Variants in DPF3 observed in about 807,000 individuals in gnomAD.
DPF3 encodes the protein double PHD fingers 3.
In DPF3, 18 loss-of-function variants were observed where a neutral mutation model predicts 56.8. The ratio of observed to expected loss-of-function variants is 0.32; its 90% CI spans 0.22 to 0.47. The LOEUF (loss-of-function observed/expected upper bound fraction) is 0.47. DPF3 is among the 20% of genes least tolerant of loss of function. DPF3 has a pLI of 1.00. For missense variants in DPF3, 403 were observed against 488.8 expected (o/e 0.82, Z 1.65); for synonymous variants, 188 against 180.2 (o/e 1.04, Z -0.35).
At chr14:72,746,236 T>C (rs1466044146) in intron 3 of DPF3, among the ~76,000 whole-genome samples, 3 of 152,210 alleles carry the variant, frequency 2.0e-5, no homozygotes, top group African/African-American at 7.2e-5. Context: ...GGGAAGACAG[T>C]GGGTACATTT....
intron 1 of DPF3, among the ~76,000 whole-genome samples, chr14:72,801,437 T>TCA (rs1729578042): frequency 6.6e-6 from 1 of 152,158 alleles, no homozygotes; most frequent in Non-Finnish European, 1.5e-5. Flanking sequence ...GCTGAAGGCA[T>TCA]CATCATGACC....
intron 1 of DPF3, among the ~76,000 whole-genome samples, chr14:72,775,716 T>C (rs1891718953): frequency 1.3e-5 from 2 of 152,154 alleles, no homozygotes; most frequent in African/African-American, 4.8e-5. Flanking sequence ...CCCTCTACCA[T>C]CATCTCCAGG....
chr14:72,868,161 G>A (rs1016605231), intron 1 of DPF3, among the ~76,000 whole-genome samples: 1 of 152,038 alleles, frequency 6.6e-6, no homozygotes, highest in African/African-American at 2.4e-5. Context: ...TCTGAACATC[G>A]TAAGATTCAA....
chr14:72,838,905 A>ATATATATATATATATATATATATATTTTT, intron 1 of DPF3, among the ~76,000 whole-genome samples: 5 of 64,494 alleles, frequency 7.8e-5, no homozygotes, highest in African/African-American at 2.7e-4. Context: ...TATCATATAT[A>ATATATATATATATATATATATATATTTTT]TTCTTTTTTT....
chr14:72,634,916 T>C (rs1420008262), intron 8 of DPF3, among the ~76,000 whole-genome samples: 1 of 152,182 alleles, frequency 6.6e-6, no homozygotes, highest in African/African-American at 2.4e-5. Context: ...AATGGTGCAC[T>C]GTGCATGATT....
intron 1 of DPF3, among the ~76,000 whole-genome samples, chr14:72,772,608 C>T (rs969336751): frequency 6.6e-6 from 1 of 151,388 alleles, no homozygotes; most frequent in African/African-American, 2.4e-5. Context: ...TTCTGGTTTG[C>T]TAGACTGAGA....
intron 4 of DPF3, among the ~76,000 whole-genome samples, chr14:72,729,227 G>A (rs1015816403): frequency 2.0e-5 from 3 of 152,148 alleles, no homozygotes; most frequent in Non-Finnish European, 2.9e-5. Flanking sequence ...CAGCCTGGGC[G>A]ACACAGCGAG....
At chr14:72,850,956 C>T (rs1884960521) in intron 1 of DPF3, among the ~76,000 whole-genome samples, 1 of 152,196 alleles carries the variant, frequency 6.6e-6, no homozygotes, top group South Asian at 2.1e-4. Flanking sequence ...AAGTATCAGT[C>T]CCACTGCCCC....
At position 72,691,949 on chromosome 14, in the gene DPF3, T is replaced by C. The variant is rs531130493; in HGVS notation, c.742+1127A>G. 7.9e-5 allele frequency among the ~76,000 whole-genome samples: 12 copies of C among 152,174 alleles called. No individual in the cohort carries two copies. In the South Asian group the frequency reaches 2.3e-3, roughly 29 times the overall value. On this transcript the variant is annotated intron_variant, in intron 7 of 10. Transcript: ENST00000556509. ...CCACCCCATCTGTGGGGTTTTCTTA[T>C]GAGAACCCTAGCAAACCCATAAAGA...
intron 1 of DPF3, chr14:72,836,357 C>A: frequency 3.0e-6 from 3 of 985,546 alleles, no homozygotes; most frequent in Non-Finnish European, 3.6e-6. Context: ...AGGTGGCACA[C>A]CAGCACTCCA....
intron 10 of DPF3, 72 bp downstream of exon 10, chr14:72,619,830 TA>T (rs1319389258): frequency 3.7e-6 from 5 of 1,362,544 alleles, no homozygotes; most frequent in Non-Finnish European, 3.9e-6. Flanking sequence ...GCCTGTACCA[TA>T]GTGAGAGCTC....
chr14:72,761,152 C>T (rs1387984741), intron 2 of DPF3, among the ~76,000 whole-genome samples: 1 of 152,034 alleles, frequency 6.6e-6, no homozygotes, highest in Non-Finnish European at 1.5e-5. Flanking sequence ...AATACCCTAC[C>T]TCTCAATGAT....
chr14:72,888,244 C>T (rs1294783727), intron 1 of DPF3, among the ~76,000 whole-genome samples: 1 of 152,156 alleles, frequency 6.6e-6, no homozygotes, highest in African/African-American at 2.4e-5. Context: ...CTGCCTGCCA[C>T]ACTAATATTC....
intron 8 of DPF3, among the ~76,000 whole-genome samples, chr14:72,646,473 C>T (rs1208561244): frequency 6.6e-6 from 1 of 152,202 alleles, no homozygotes; most frequent in Admixed American, 6.5e-5. Context: ...GCCCTTTGGC[C>T]ACTGTCAGGG....
At chr14:72,619,437 ACTT>A in intron 10 of DPF3, 70 bp from the exon 11 acceptor site, 1 of 1,483,564 alleles carries the variant, frequency 6.7e-7, no homozygotes. Context: ...ACTGGCCCTA[ACTT>A]CTTGTAAATC....
At chr14:72,732,398 C>T (rs1346438667) in intron 3 of DPF3, among the ~76,000 whole-genome samples, 1 of 152,196 alleles carries the variant, frequency 6.6e-6, no homozygotes, top group Non-Finnish European at 1.5e-5. Context: ...ATGCTCATTC[C>T]CTCCTATCCC....
intron 3 of DPF3, among the ~76,000 whole-genome samples, chr14:72,749,035 C>T (rs1158332361): frequency 1.3e-5 from 2 of 152,224 alleles, no homozygotes; most frequent in Admixed American, 6.5e-5. Flanking sequence ...AGAAGAGGGC[C>T]ACCATCTTCC....
intron 3 of DPF3, among the ~76,000 whole-genome samples, chr14:72,752,167 A>G (rs1890605338): frequency 6.6e-6 from 1 of 152,212 alleles, no homozygotes; most frequent in Non-Finnish European, 1.5e-5. Flanking sequence ...ACAGTCTGCA[A>G]TGCTGTGGTG....
chr14:72,877,311 G>T (rs916760261), intron 1 of DPF3, among the ~76,000 whole-genome samples: 1 of 152,192 alleles, frequency 6.6e-6, no homozygotes, highest in African/African-American at 2.4e-5. Flanking sequence ...TTTGGAGAGA[G>T]GTGGAGATGC....
Sources: gnomAD v4.1 joint callset for allele counts (sites outside exome capture counted in the v4.1 genomes callset) on GRCh38, gnomAD v4.1.1 for gene constraint, MANE v1.5 for transcripts, NCBI Gene and HGNC (gene_info 2026-07-23, HGNC 2026-07-21) for gene names.